PHC1: variants seen among roughly 807,000 people sequenced by gnomAD.
The protein encoded by PHC1 is polyhomeotic-like protein 1.
A neutral mutation model predicts 104.3 loss-of-function variants in PHC1; 12 were observed. That is an observed-to-expected ratio of 0.12 (90% CI 0.07 to 0.19). The LOEUF (loss-of-function observed/expected upper bound fraction) is 0.19. PHC1 is among the 10% of genes least tolerant of loss of function. The probability of loss-of-function intolerance (pLI) is 1.00; values close to 1 mark genes in which losing one functional copy is unlikely to be tolerated. For synonymous variants in PHC1, 302 were observed against 455.8 expected, an observed-to-expected ratio of 0.66 and a Z score of 4.30; for missense variants, 671 against 1,200.0, an observed-to-expected ratio of 0.56 and a Z score of 6.51.
At chr12:8,935,272 G>A in intron 11 of PHC1, 34 bp downstream of exon 11, 1 of 1,083,178 alleles carries the variant, frequency 9.2e-7, no homozygotes, top group Non-Finnish European at 1.4e-6. Flanking sequence ...TTTGGGGGAA[G>A]GAGACTCGTG....
chr12:8,934,017 GTAAC>G lies in PHC1; in HGVS notation c.2041+7_2041+10del. On this transcript the variant is annotated splice_donor_region_variant and intron_variant, in intron 9 of 14. Coordinates refer to ENST00000544916, the MANE Select transcript of PHC1 (RefSeq NM_004426.3). The stretch of plus-strand genomic sequence containing the variant: ...ACGAGAAGAGCAGTCTTGGAGGTGA[GTAAC>G]TGACTTCTAATGCTGTTGGAGAGCA... 6.2e-7 allele frequency: 1 copy of G among 1,613,970 alleles called. No homozygotes were observed. Among genetic ancestry groups the G allele is most frequent in the Non-Finnish European group, 8.5e-7 (1 of 1,179,830 alleles).
At chr12:8,921,862 G>A (rs1945374797) in intron 5 of PHC1, 112 bp downstream of exon 5, 1 of 1,005,330 alleles carries the variant, frequency 9.9e-7, no homozygotes, top group Admixed American at 2.7e-5. Context: ...CACCCAGGCT[G>A]GAGTGCAGTG....
chr12:8,934,743 T>C (rs929459639), intron 10 of PHC1, among the ~76,000 whole-genome samples: 1 of 152,132 alleles, frequency 6.6e-6, no homozygotes, highest in Non-Finnish European at 1.5e-5. Context: ...TTATAATGAA[T>C]AAAATTATAG....
At chr12:8,922,850 A>C in intron 6 of PHC1, 62 bp downstream of exon 6, 1 of 1,435,192 alleles carries the variant, frequency 7.0e-7, no homozygotes, top group Non-Finnish European at 9.6e-7. Context: ...ATGACCACGG[A>C]CCTGGGTCCA....
rs1017297144 is a variant in PHC1, at chr12:8,941,368, A to C, written c.*1909A>C. ...GAAATACCAGATTCTCATGGAGGCT[A>C]CTATAGGGTACAGAATAACAACATG... On this transcript the variant is annotated 3_prime_UTR_variant, in exon 15 of 15. Transcript: ENST00000544916. 18 of 198,620 alleles carry C rather than the reference A, an allele frequency of 9.1e-5. No individual in the cohort carries two copies. The highest frequency in any genetic ancestry group is 4.3e-4 in the African/African-American group (18 of 42,120). The allele number at this position is 198,620 out of a possible 1,614,324, so 12.3% of individuals were successfully genotyped here.
intron 4 of PHC1, among the ~76,000 whole-genome samples, 171 bp from the exon 5 acceptor site, chr12:8,921,430 C>T (rs773563626): frequency 1.3e-5 from 2 of 152,202 alleles, no homozygotes; most frequent in East Asian, 3.9e-4. Context: ...TGGTAATACC[C>T]TAAAGTAGCC....
rs143732744 is a variant in PHC1, at chr12:8,941,430, AT to A, written c.*1981del. 6.0e-3 allele frequency: 1,076 copies of A among 179,810 alleles called. No individual in the cohort carries two copies. Among genetic ancestry groups the A allele is most frequent in the Middle Eastern group, 0.016 (6 of 370 alleles). The allele number at this position is 179,810 out of a possible 1,614,324, so 11.1% of individuals were successfully genotyped here. A position where few individuals can be genotyped will look rare whatever the true frequency, so the allele number is the denominator to read the frequency against. On this transcript the variant is annotated 3_prime_UTR_variant, in exon 15 of 15. Transcript: ENST00000544916. ...CCCTGTATAAATAATGTTTCTTGGC[AT>A]TTTTTTTTTAATTAAAGAAATCCAG...
intron 6 of PHC1, among the ~76,000 whole-genome samples, chr12:8,926,902 C>T (rs7297711): frequency 0.27 from 41,177 of 151,512 alleles, 5,775 homozygotes; most frequent in South Asian, 0.37. Context: ...GCAACGAGGG[C>T]GAAACTCCAT....
chr12:8,935,228 C>T lies in PHC1; in HGVS notation c.2358C>T (p.Ser786=), dbSNP rs754172941. 1.9e-6 allele frequency: 3 copies of T among 1,559,074 alleles called. No individual in the cohort carries two copies. In the East Asian group the frequency reaches 6.9e-5, roughly 36 times the overall value. ...CAGGTGGCCCTTTGGGAGTGGACAGCCCATCTGCTGGTGAGCATTTATTTA... is the reference window on the plus strand; with the variant it reads ...CAGGTGGCCCTTTGGGAGTGGACAGTCCATCTGCTGGTGAGCATTTATTTA... ...NQSGGPLGVD[S]PSAELDKKAN... The change falls in exon 11 of 15, where the codon AGC becomes AGT. Residue 786 remains serine (S), a synonymous_variant. Transcript: ENST00000544916.
chr12:8,915,616 G>A (rs1234091914), intron 1 of PHC1: 4 of 152,152 alleles, frequency 2.6e-5, no homozygotes, highest in Admixed American at 6.5e-5. Flanking sequence ...GGCATCTGTG[G>A]ATCAGCTTCT....
intron 8 of PHC1, 184 bp from the exon 9 acceptor site, chr12:8,933,681 C>T: frequency 3.2e-6 from 2 of 624,272 alleles, no homozygotes; most frequent in East Asian, 2.8e-5. Flanking sequence ...AATCATGTTA[C>T]ATTTTCTTTT....
rs1404338111 is a variant in PHC1, at chr12:8,914,617, AC to A, written c.-256del. ...CTGGCTGAGCCGCGGCCGGGCCCGC[AC>A]CCGGAGCGGCGGGAGGGGCGGGGAG... On this transcript the variant is annotated 5_prime_UTR_variant, in exon 1 of 15. Coordinates refer to ENST00000544916, the MANE Select transcript of PHC1 (RefSeq NM_004426.3). 3 of 150,100 alleles carry A rather than the reference AC, an allele frequency of 2.0e-5. No homozygotes were observed. The highest frequency in any genetic ancestry group is 2.0e-4 in the Admixed American group (3 of 15,090). 9.3% of individuals were successfully genotyped at this position (150,100 alleles called of 1,614,324 possible). A position where few individuals can be genotyped will look rare whatever the true frequency, so the allele number is the denominator to read the frequency against.
At chr12:8,924,662 T>C (rs961806273) in intron 6 of PHC1, among the ~76,000 whole-genome samples, 20 of 152,150 alleles carry the variant, frequency 1.3e-4, no homozygotes, top group Admixed American at 1.3e-3. Flanking sequence ...AGTATAGTCA[T>C]ATATTTAAAT....
chr12:8,938,007 A>G lies in PHC1; in HGVS notation c.2807A>G (p.Asn936Ser), dbSNP rs1431101424. The change falls in exon 14 of 15, where the codon AAT (asparagine) becomes AGT (serine). Residue 936 changes from asparagine to serine, a missense_variant. Transcript: ENST00000544916. Reference protein sequence around the residue: ...HGINPVFLSSNPSRWSVEEVY... With the variant: ...HGINPVFLSSSPSRWSVEEVY... ...ATCAACCCTGTGTTCCTGTCCAGTA[A>G]TCCCAGCCGTTGGAGTGTAGAGGAG... 1 of 1,609,678 alleles carries G rather than the reference A, an allele frequency of 6.2e-7. No individual in the cohort carries two copies. Among genetic ancestry groups the G allele is most frequent in the Admixed American group, 1.7e-5 (1 of 59,786 alleles).
At chr12:8,926,266 A>C (rs1174216535) in intron 6 of PHC1, among the ~76,000 whole-genome samples, 1 of 145,050 alleles carries the variant, frequency 6.9e-6, no homozygotes, top group African/African-American at 2.5e-5. Flanking sequence ...GTAGGCATAT[A>C]GATGATAATT....
At chr12:8,931,691 C>G (rs1172377054) in intron 7 of PHC1, among the ~76,000 whole-genome samples, 1 of 152,172 alleles carries the variant, frequency 6.6e-6, no homozygotes, top group Non-Finnish European at 1.5e-5. Flanking sequence ...CAGGGCAAGA[C>G]TCTGATAGTT....
Position 8,934,510 on chromosome 12 carries a change from A to T in PHC1, c.2253+32A>T, listed in dbSNP as rs756818355. ...GCAGGGCCATAAGGTGGGACTTTGA[A>T]GTGGGGACTTGGTCTGATTGTTGTC... is the stretch of plus-strand genomic sequence containing the variant. On this transcript the variant is annotated intron_variant, in intron 10 of 14. Transcript: ENST00000544916. The T allele has an allele frequency of 3.9e-6, 6 of 1,525,306 alleles. No individual in the cohort carries two copies. The Admixed American group carries it at 7.1e-5, about 18-fold the overall frequency. 94.5% of individuals were successfully genotyped at this position (1,525,306 alleles called of 1,614,324 possible). A position where few individuals can be genotyped will look rare whatever the true frequency, so the allele number is the denominator to read the frequency against.
At position 8,937,231 on chromosome 12, in the gene PHC1, T is replaced by C; in HGVS notation, c.2533T>C (p.Phe845Leu). 6.2e-7 allele frequency: 1 copy of C among 1,612,368 alleles called. No homozygotes were observed. Among genetic ancestry groups the C allele is most frequent in the East Asian group, 2.2e-5 (1 of 44,786 alleles). The change falls in exon 13 of 15, where the codon TTT (phenylalanine) becomes CTT (leucine). Residue 845 changes from phenylalanine to leucine, a missense_variant. Transcript: ENST00000544916. ...FRLKRKKMKE[F>L]QEANYARVRR... ...GCTGAAGAGGAAAAAAATGAAAGAGTTTCAAGAAGCCAACTATGCTCGCGT... is the reference window on the plus strand; with the variant it reads ...GCTGAAGAGGAAAAAAATGAAAGAGCTTCAAGAAGCCAACTATGCTCGCGT...
chr12:8,927,313 A>G (rs990532727), intron 6 of PHC1, among the ~76,000 whole-genome samples: 2 of 152,172 alleles, frequency 1.3e-5, no homozygotes, highest in Non-Finnish European at 2.9e-5. Context: ...GTAAACAGCT[A>G]TTAAGAGTTT....
Sources: allele counts gnomAD v4.1 joint callset (sites outside exome capture counted in the v4.1 genomes callset), GRCh38; gene constraint gnomAD v4.1.1; transcripts MANE v1.5; gene names NCBI Gene and HGNC (gene_info 2026-07-23, HGNC 2026-07-21).